Variants in TMEM14A observed in about 807,000 individuals in gnomAD.
The protein encoded by TMEM14A is transmembrane protein 14A.
TMEM14A carries 8 observed loss-of-function variants against 11.6 expected under a neutral mutation model. The observed-to-expected ratio is 0.69, with a 90% CI of 0.40 to 1.24. The LOEUF (loss-of-function observed/expected upper bound fraction) is 1.24. TMEM14A is among the 50% of genes most tolerant of loss of function. The pLI, the probability that TMEM14A is intolerant of heterozygous loss-of-function variation, is 0.01. For missense variants in TMEM14A, 108 were observed against 121.9 expected (o/e 0.89, Z 0.54); for synonymous variants, 34 against 45.5 (o/e 0.75, Z 1.02).
intron 4 of TMEM14A, among the ~76,000 whole-genome samples, chr6:52,684,423 A>G (rs1769454864): frequency 6.6e-6 from 1 of 152,200 alleles, no homozygotes; most frequent in South Asian, 2.1e-4. Context: ...GAAAGAGCTA[A>G]CTAAACTCAG....
At chr6:52,680,597 A>G (rs1278344916) in intron 2 of TMEM14A, among the ~76,000 whole-genome samples, 5 of 97,338 alleles carry the variant, frequency 5.1e-5, no homozygotes, top group Non-Finnish European at 1.1e-4. Flanking sequence ...ATATATTTAT[A>G]TATATATATA....
intron 2 of TMEM14A, among the ~76,000 whole-genome samples, chr6:52,677,665 G>T (rs1413412026): frequency 6.6e-6 from 1 of 152,062 alleles, no homozygotes; most frequent in Non-Finnish European, 1.5e-5. Flanking sequence ...AAAAGGAAAG[G>T]TCAAATTTTT....
intron 2 of TMEM14A, among the ~76,000 whole-genome samples, chr6:52,679,764 C>T (rs1423780202): frequency 1.3e-5 from 2 of 151,692 alleles, no homozygotes; most frequent in African/African-American, 4.8e-5. Context: ...CTGGTTCTTG[C>T]TGCTGGTGAG....
At chr6:52,671,967 A>G (rs1291786504) in intron 1 of TMEM14A, among the ~76,000 whole-genome samples, 1 of 152,214 alleles carries the variant, frequency 6.6e-6, no homozygotes, top group East Asian at 1.9e-4. Flanking sequence ...CTTTTGTCTG[A>G]ATATTCTCTG....
intron 3 of TMEM14A, among the ~76,000 whole-genome samples, chr6:52,682,617 T>A (rs1769412362): frequency 6.6e-6 from 1 of 151,930 alleles, no homozygotes; most frequent in Non-Finnish European, 1.5e-5. Context: ...TTTTTAGTTA[T>A]TTTTATAAGG....
chr6:52,679,199 G>A (rs1215083266), intron 2 of TMEM14A, among the ~76,000 whole-genome samples: 1 of 152,154 alleles, frequency 6.6e-6, no homozygotes, highest in African/African-American at 2.4e-5. Flanking sequence ...AGCCAGTGGC[G>A]GGACACAGGA....
At chr6:52,678,349 G>GTGTGTT in intron 2 of TMEM14A, among the ~76,000 whole-genome samples, 1 of 145,666 alleles carries the variant, frequency 6.9e-6, no homozygotes, top group African/African-American at 2.5e-5. Flanking sequence ...GTGTGTGTGT[G>GTGTGTT]TGTGTGTGTG....
chr6:52,685,875 C>A, intron 4 of TMEM14A, 135 bp from the exon 5 acceptor site: 1 of 622,106 alleles, frequency 1.6e-6, no homozygotes, highest in Non-Finnish European at 2.6e-6. Context: ...TGTTTTAATC[C>A]TCCAAGGGGT....
Position 52,686,234 on chromosome 6 carries a change from A to G in TMEM14A, c.*185A>G, listed in dbSNP as rs1769491370. 2.1e-6 allele frequency: 1 copy of G among 474,574 alleles called. No homozygotes were observed. The highest frequency in any genetic ancestry group is 3.7e-6 in the Non-Finnish European group (1 of 272,120). The allele number at this position is 474,574 out of a possible 1,614,324, so 29.4% of individuals were successfully genotyped here. On this transcript the variant is annotated 3_prime_UTR_variant, in exon 5 of 5. Transcript: ENST00000211314. ...AAAGCAAAAATTTTAACTGTTTTCT[A>G]ATTGTCAAGCACTATTTTCATTAAA...
At chr6:52,674,251 C>G (rs938858641) in intron 1 of TMEM14A, among the ~76,000 whole-genome samples, 1 of 152,192 alleles carries the variant, frequency 6.6e-6, no homozygotes, top group African/African-American at 2.4e-5. Flanking sequence ...CCAGATGGAA[C>G]ACAGTGCCCT....
chr6:52,680,674 T>C (rs1337985569), intron 2 of TMEM14A, among the ~76,000 whole-genome samples: 2 of 87,980 alleles, frequency 2.3e-5, no homozygotes, highest in South Asian at 4.0e-4. Flanking sequence ...TATGTGTATA[T>C]ATATATATAC....
chr6:52,674,988 G>A (rs1769229428), intron 1 of TMEM14A, among the ~76,000 whole-genome samples: 1 of 150,446 alleles, frequency 6.6e-6, no homozygotes, highest in Non-Finnish European at 1.5e-5. Context: ...GGGATTTTCC[G>A]GTCTCAGCCT....
At chr6:52,674,855 T>C (rs551424708) in intron 1 of TMEM14A, among the ~76,000 whole-genome samples, 1 of 151,666 alleles carries the variant, frequency 6.6e-6, no homozygotes, top group Non-Finnish European at 1.5e-5. Context: ...TAAGTTCTAG[T>C]GGATGACTCT....
chr6:52,683,832 C>T (rs1371678708), intron 3 of TMEM14A, among the ~76,000 whole-genome samples: 4 of 152,148 alleles, frequency 2.6e-5, no homozygotes, highest in African/African-American at 9.7e-5. Context: ...TCAGACTGGC[C>T]TCAAACTCCC....
chr6:52,680,613 G>A (rs55746740), intron 2 of TMEM14A, among the ~76,000 whole-genome samples: 299 of 48,336 alleles, frequency 6.2e-3, no homozygotes, highest in Non-Finnish European at 9.9e-3. Flanking sequence ...ATATATATAT[G>A]TATATATATG....
chr6:52,678,071 G>A (rs1435250559), intron 2 of TMEM14A, among the ~76,000 whole-genome samples: 20 of 151,258 alleles, frequency 1.3e-4, no homozygotes, highest in Non-Finnish European at 2.8e-4. Flanking sequence ...TGTATTTGAA[G>A]GAAAAAAAAA....
chr6:52,672,595 G>A (rs376017727), intron 1 of TMEM14A, among the ~76,000 whole-genome samples: 19 of 152,054 alleles, frequency 1.2e-4, no homozygotes, highest in African/African-American at 4.1e-4. Context: ...TCAGGGAATA[G>A]CATGAGGCTC....
At chr6:52,680,708 C>CATATATGTGTATAT (rs1554137490) in intron 2 of TMEM14A, among the ~76,000 whole-genome samples, 2 of 21,548 alleles carry the variant, frequency 9.3e-5, no homozygotes, top group Non-Finnish European at 1.7e-4. Context: ...TATATATACA[C>CATATATGTGTATAT]ATATATATAT....
chr6:52,681,089 G>C (rs1769383893), intron 2 of TMEM14A, among the ~76,000 whole-genome samples: 1 of 152,066 alleles, frequency 6.6e-6, no homozygotes, highest in Non-Finnish European at 1.5e-5. Flanking sequence ...ATGAAGCAAG[G>C]ATTGTGTGTG....
Sources: allele counts gnomAD v4.1 joint callset (sites outside exome capture counted in the v4.1 genomes callset), GRCh38; gene constraint gnomAD v4.1.1; transcripts MANE v1.5; gene names NCBI Gene and HGNC (gene_info 2026-07-23, HGNC 2026-07-21).